RBMS1: variants seen among roughly 807,000 people sequenced by gnomAD.
The protein encoded by RBMS1 is RNA binding motif single stranded interacting protein 1, also known as RNA-binding motif, single-stranded-interacting protein 1.
A neutral mutation model predicts 62.3 loss-of-function variants in RBMS1; 17 were observed. The ratio of observed to expected loss-of-function variants is 0.27; its 90% CI spans 0.19 to 0.41. RBMS1 has a LOEUF of 0.41. RBMS1 is among the 10% of genes least tolerant of loss of function. The pLI is 1.00. For synonymous variants in RBMS1, 172 were observed against 170.0 expected (o/e 1.01, Z -0.09); for missense variants, 334 against 504.5 (o/e 0.66, Z 3.24).
At chr2:160,324,261 G>GCACA (rs75747766) in intron 2 of RBMS1, among the ~76,000 whole-genome samples, 11,542 of 151,282 alleles carry the variant, frequency 0.076, 599 homozygotes, top group South Asian at 0.19. Flanking sequence ...GCGTGCGCGT[G>GCACA]CACACACACA....
At chr2:160,307,046 G>GT (rs1370779044) in intron 4 of RBMS1, among the ~76,000 whole-genome samples, 1 of 152,062 alleles carries the variant, frequency 6.6e-6, no homozygotes, top group East Asian at 1.9e-4. Context: ...CACATTGGCC[G>GT]TCAGAGTGAT....
chr2:160,466,380 C>T (rs1684691167), intron 1 of RBMS1, among the ~76,000 whole-genome samples: 1 of 152,068 alleles, frequency 6.6e-6, no homozygotes, highest in East Asian at 1.9e-4. Flanking sequence ...TGATGCTTTG[C>T]CAAACTCTAG....
intron 7 of RBMS1, among the ~76,000 whole-genome samples, chr2:160,285,783 T>C (rs541845056): frequency 1.3e-5 from 2 of 152,120 alleles, no homozygotes; most frequent in East Asian, 3.9e-4. Context: ...CATGCTAGCC[T>C]GGGCAACATA....
At position 160,471,713 on chromosome 2, in the gene RBMS1, ATAT is replaced by A. The variant is rs1252073505; in HGVS notation, c.75+21573_75+21575del. ...GGTGTATATATATATATATATATAT[ATAT>A]AACCTTTCATACATTCTGATTATAA... is the stretch of plus-strand genomic sequence containing the variant. On this transcript the variant is annotated intron_variant, in intron 1 of 13. Transcript: ENST00000348849. Among the ~76,000 whole-genome samples the A allele has an allele frequency of 5.6e-4, 68 of 120,568 alleles. 5 individuals are homozygous for A. Among genetic ancestry groups the A allele is most frequent in the Middle Eastern group, 4.0e-3 (1 of 250 alleles). The allele number at this position is 120,568 out of a possible 152,430, so 79.1% of individuals were successfully genotyped here.
chr2:160,493,782 G>A lies in RBMS1; in HGVS notation c.-419C>T. ...ACAAGTGGAAAGTGCGGCAGCGGCGGCTGCGCTTGGTGCCAGGCGGCATCT... is the reference window on the plus strand; with the variant it reads ...ACAAGTGGAAAGTGCGGCAGCGGCGACTGCGCTTGGTGCCAGGCGGCATCT... On this transcript the variant is annotated 5_prime_UTR_variant, in exon 1 of 14. Transcript: ENST00000348849. 1 of 174,378 alleles carries A rather than the reference G, an allele frequency of 5.7e-6. No individual in the cohort carries two copies. The highest frequency in any genetic ancestry group is 1.4e-4 in the South Asian group (1 of 7,304). The allele number at this position is 174,378 out of a possible 1,614,324, so 10.8% of individuals were successfully genotyped here.
chr2:160,392,370 C>A (rs948349456), intron 1 of RBMS1, among the ~76,000 whole-genome samples: 1 of 151,880 alleles, frequency 6.6e-6, no homozygotes, highest in Non-Finnish European at 1.5e-5. Context: ...TTATCTATGG[C>A]TGCTTTCCAG....
intron 1 of RBMS1, among the ~76,000 whole-genome samples, chr2:160,406,258 T>C (rs1695699661): frequency 1.3e-5 from 2 of 152,188 alleles, no homozygotes; most frequent in African/African-American, 2.4e-5. Flanking sequence ...ACATTTCTTT[T>C]CGACACTGCC....
chr2:160,396,219 C>A (rs1414568613), intron 1 of RBMS1, among the ~76,000 whole-genome samples: 1 of 152,038 alleles, frequency 6.6e-6, no homozygotes, highest in Non-Finnish European at 1.5e-5. Flanking sequence ...GGACGTTGGC[C>A]ATGTGGTTCA....
At chr2:160,448,031 T>G (rs1175204111) in intron 1 of RBMS1, among the ~76,000 whole-genome samples, 1 of 152,238 alleles carries the variant, frequency 6.6e-6, no homozygotes, top group Non-Finnish European at 1.5e-5. Context: ...ATGTTAACTT[T>G]AATTTTCATG....
intron 2 of RBMS1, among the ~76,000 whole-genome samples, chr2:160,319,948 T>C (rs1690462632): frequency 6.6e-6 from 1 of 152,214 alleles, no homozygotes; most frequent in Non-Finnish European, 1.5e-5. Context: ...AGAGGCATAA[T>C]GCTGCACAAA....
intron 1 of RBMS1, among the ~76,000 whole-genome samples, chr2:160,377,410 T>C (rs964489690): frequency 6.6e-6 from 1 of 152,220 alleles, no homozygotes; most frequent in Non-Finnish European, 1.5e-5. Context: ...AAAATGCAGA[T>C]TTTGACTCAG....
chr2:160,479,704 C>T (rs1024805048), intron 1 of RBMS1, among the ~76,000 whole-genome samples: 2 of 152,184 alleles, frequency 1.3e-5, no homozygotes, highest in African/African-American at 4.8e-5. Context: ...TCTCTACACT[C>T]TGGGTAGCCT....
At chr2:160,335,415 A>G (rs895300712) in intron 2 of RBMS1, among the ~76,000 whole-genome samples, 4 of 152,192 alleles carry the variant, frequency 2.6e-5, no homozygotes, top group Non-Finnish European at 4.4e-5. Flanking sequence ...CAGACATGAC[A>G]GTTACAGGAC....
chr2:160,346,596 C>T (rs927503051), intron 2 of RBMS1, among the ~76,000 whole-genome samples: 3 of 152,118 alleles, frequency 2.0e-5, no homozygotes, highest in Non-Finnish European at 4.4e-5. Flanking sequence ...GATACATTAA[C>T]CAATGCAGGA....
At chr2:160,404,621 A>G (rs1421100045) in intron 1 of RBMS1, among the ~76,000 whole-genome samples, 1 of 152,228 alleles carries the variant, frequency 6.6e-6, no homozygotes, top group African/African-American at 2.4e-5. Context: ...CAGGACCTTG[A>G]GCCATCCTGG....
At chr2:160,397,767 C>T (rs1209214853) in intron 1 of RBMS1, among the ~76,000 whole-genome samples, 1 of 152,074 alleles carries the variant, frequency 6.6e-6, no homozygotes, top group Non-Finnish European at 1.5e-5. Flanking sequence ...TTCCAATGGC[C>T]CTTTACTAGG....
At position 160,437,817 on chromosome 2, in the gene RBMS1, T is replaced by C. The variant is rs80341561; in HGVS notation, c.75+55472A>G. ...ACTGATTATCAAGGGACCTGAGTTATATGTCACAGTTTTTCTAAAGTCAAG... is the reference window on the plus strand; with the variant it reads ...ACTGATTATCAAGGGACCTGAGTTACATGTCACAGTTTTTCTAAAGTCAAG... On this transcript the variant is annotated intron_variant, in intron 1 of 13. Transcript: ENST00000348849. Among the ~76,000 whole-genome samples the C allele has an allele frequency of 5.2e-3, 795 of 152,342 alleles. 46 individuals are homozygous for C. The East Asian group carries it at 0.14, about 26-fold the overall frequency.
chr2:160,363,153 T>A (rs1200912565), intron 2 of RBMS1, among the ~76,000 whole-genome samples: 1 of 152,210 alleles, frequency 6.6e-6, no homozygotes, highest in Non-Finnish European at 1.5e-5. Context: ...GTCTGTTGAC[T>A]GAGAATTCAG....
At chr2:160,297,973 C>A (rs1689024565) in intron 6 of RBMS1, among the ~76,000 whole-genome samples, 1 of 152,038 alleles carries the variant, frequency 6.6e-6, no homozygotes, top group Admixed American at 6.6e-5. Flanking sequence ...TAAAGTGACA[C>A]ATAGGTATAT....
Sources: gnomAD v4.1 joint callset for allele counts (sites outside exome capture counted in the v4.1 genomes callset) on GRCh38, gnomAD v4.1.1 for gene constraint, MANE v1.5 for transcripts, NCBI Gene and HGNC (gene_info 2026-07-23, HGNC 2026-07-21) for gene names.